PRKG2: variants seen among roughly 807,000 people sequenced by gnomAD.
PRKG2 encodes protein kinase cGMP-dependent 2.
PRKG2 carries 33 observed loss-of-function variants against 97.2 expected under a neutral mutation model. The observed-to-expected ratio is 0.34, with a 90% CI of 0.26 to 0.45. The LOEUF is 0.45. Among genes scored for constraint, PRKG2 ranks in the 20% least tolerant of loss-of-function variants. The pLI, the probability that PRKG2 is intolerant of heterozygous loss-of-function variation, is 1.00. For synonymous variants in PRKG2, 330 were observed against 321.8 expected, an observed-to-expected ratio of 1.03 and a Z score of -0.27; for missense variants, 638 against 900.0, an observed-to-expected ratio of 0.71 and a Z score of 3.73.
At chr4:81,189,065 A>AC (rs1752189577) in intron 2 of PRKG2, among the ~76,000 whole-genome samples, 2 of 56,316 alleles carry the variant, frequency 3.6e-5, no homozygotes, top group Non-Finnish European at 5.8e-5. Context: ...AAAAAAAATA[A>AC]TAAAAAAAAA....
chr4:81,185,040 T>C (rs936246980), intron 2 of PRKG2, among the ~76,000 whole-genome samples: 1 of 152,190 alleles, frequency 6.6e-6, no homozygotes, highest in South Asian at 2.1e-4. Flanking sequence ...TGGAACCAAG[T>C]TGGAAAACAC....
At chr4:81,146,535 T>C (rs1364632283) in intron 9 of PRKG2, among the ~76,000 whole-genome samples, 3 of 152,192 alleles carry the variant, frequency 2.0e-5, no homozygotes, top group East Asian at 3.8e-4. Flanking sequence ...TCTTGCACTG[T>C]AAGCAATCTA....
At chr4:81,099,862 A>G (rs1370252645) in intron 17 of PRKG2, among the ~76,000 whole-genome samples, 1 of 152,210 alleles carries the variant, frequency 6.6e-6, no homozygotes, top group African/African-American at 2.4e-5. Flanking sequence ...AACTTCAGCA[A>G]AGTCTCAGGA....
chr4:81,192,079 A>C (rs1018767806), intron 2 of PRKG2: 2 of 152,238 alleles, frequency 1.3e-5, no homozygotes, highest in Admixed American at 6.5e-5. Context: ...TATAAATCAT[A>C]GAATGATTAA....
chr4:81,142,515 T>C (rs1413070810), intron 11 of PRKG2, among the ~76,000 whole-genome samples: 1 of 152,220 alleles, frequency 6.6e-6, no homozygotes, highest in Admixed American at 6.5e-5. Context: ...TGTTTCCTTT[T>C]GGACGTGCTT....
rs61705181 is a variant in PRKG2 at position 81,180,801 on chromosome 4, T to TAC, written c.462-5843_462-5842insGT. On this transcript the variant is annotated intron_variant, in intron 2 of 18. Transcript: ENST00000264399. Reference sequence around the variant, plus strand: ...AACTCACTGATATTTTAAATATCTCTTCAATAAATTCAGAATACACATTCA... The same window carrying TAC: ...AACTCACTGATATTTTAAATATCTCTACTCAATAAATTCAGAATACACATTCA... 1.5e-4 allele frequency among the ~76,000 whole-genome samples: 9 copies of TAC among 62,056 alleles called. No individual in the cohort carries two copies. The African/African-American group carries it at 6.7e-3, about 46-fold the overall frequency. The allele number at this position is 62,056 out of a possible 152,430, so 40.7% of individuals were successfully genotyped here. A position where few individuals can be genotyped will look rare whatever the true frequency, so the allele number is the denominator to read the frequency against.
intron 8 of PRKG2, among the ~76,000 whole-genome samples, chr4:81,149,784 T>C (rs1403926837): frequency 6.6e-6 from 1 of 152,160 alleles, no homozygotes; most frequent in Non-Finnish European, 1.5e-5. Flanking sequence ...TTGGGAGTAC[T>C]AAGCATACCC....
At chr4:81,150,951 T>C (rs1386957526) in intron 8 of PRKG2, among the ~76,000 whole-genome samples, 1 of 152,174 alleles carries the variant, frequency 6.6e-6, no homozygotes, top group Non-Finnish European at 1.5e-5. Context: ...AATCCCACTT[T>C]TAAATTGCTA....
intron 9 of PRKG2, among the ~76,000 whole-genome samples, chr4:81,146,358 G>A (rs79820474): frequency 2.2e-3 from 335 of 152,216 alleles, no homozygotes; most frequent in African/African-American, 7.3e-3. Context: ...GCTATAGCCT[G>A]AGCAATAACT....
chr4:81,139,278 G>A (rs1747017088), intron 12 of PRKG2, among the ~76,000 whole-genome samples: 1 of 152,136 alleles, frequency 6.6e-6, no homozygotes, highest in Non-Finnish European at 1.5e-5. Context: ...GCCTTCTGCA[G>A]AAATTCAAGA....
chr4:81,098,363 T>C (rs1212052697), intron 17 of PRKG2, among the ~76,000 whole-genome samples: 4 of 152,134 alleles, frequency 2.6e-5, no homozygotes, highest in African/African-American at 7.2e-5. Context: ...ATTAGTTCTA[T>C]ACCTCTATAG....
At chr4:81,179,126 A>G (rs1236354071) in intron 2 of PRKG2, among the ~76,000 whole-genome samples, 3 of 151,918 alleles carry the variant, frequency 2.0e-5, no homozygotes, top group Non-Finnish European at 4.4e-5. Flanking sequence ...CTCTGTCCCA[A>G]AAACAAACAA....
intron 9 of PRKG2, among the ~76,000 whole-genome samples, chr4:81,147,388 A>G (rs549170084): frequency 5.3e-5 from 8 of 152,288 alleles, no homozygotes; most frequent in African/African-American, 1.9e-4. Flanking sequence ...ATACTGTACC[A>G]ATATATTTTC....
At chr4:81,156,977 G>A (rs1342156949) in intron 6 of PRKG2, among the ~76,000 whole-genome samples, 2 of 152,004 alleles carry the variant, frequency 1.3e-5, no homozygotes, top group African/African-American at 2.4e-5. Context: ...AGAGAAAGCA[G>A]GAAAGATCCA....
intron 6 of PRKG2, chr4:81,154,296 TAGGCTCCACCTCTGGGGGC>T (rs1317330176): frequency 6.5e-6 from 1 of 153,686 alleles, no homozygotes; most frequent in Non-Finnish European, 1.4e-5. Context: ...CCTGCCTCTG[TAGGCTCCACCTCTGGGGGC>T]AGGGCACAGA....
At chr4:81,143,336 G>T (rs1332738885) in intron 10 of PRKG2, among the ~76,000 whole-genome samples, 1 of 152,072 alleles carries the variant, frequency 6.6e-6, no homozygotes, top group Non-Finnish European at 1.5e-5. Flanking sequence ...GTCAATGAAT[G>T]GGAATGAAAC....
intron 14 of PRKG2, among the ~76,000 whole-genome samples, chr4:81,133,371 C>A (rs955158617): frequency 6.6e-6 from 1 of 152,090 alleles, no homozygotes; most frequent in Non-Finnish European, 1.5e-5. Context: ...CTCTGATTCA[C>A]CTACCCACAC....
intron 2 of PRKG2, among the ~76,000 whole-genome samples, chr4:81,186,462 C>T (rs9990953): frequency 0.23 from 34,715 of 152,092 alleles, 7,863 homozygotes; most frequent in African/African-American, 0.58. Context: ...TTCTGGGACA[C>T]AGCTAAAGCA....
At chr4:81,147,823 T>A (rs1021923931) in intron 9 of PRKG2, among the ~76,000 whole-genome samples, 15 of 152,144 alleles carry the variant, frequency 9.9e-5, no homozygotes, top group African/African-American at 3.6e-4. Context: ...CATGTTAGCC[T>A]TATTGTGGTC....
Sources: allele counts gnomAD v4.1 joint callset (sites outside exome capture counted in the v4.1 genomes callset), GRCh38; gene constraint gnomAD v4.1.1; transcripts MANE v1.5; gene names NCBI Gene and HGNC (gene_info 2026-07-23, HGNC 2026-07-21).